GRIK4: variants seen among roughly 807,000 people sequenced by gnomAD.
GRIK4 encodes the protein glutamate receptor ionotropic, kainate 4.
Under a neutral mutation model 104.9 loss-of-function variants are expected in GRIK4, and 40 were observed. That is an observed-to-expected ratio of 0.38 (90% CI 0.30 to 0.50). The LOEUF is 0.50. Ranked by LOEUF, GRIK4 falls within the 20% of genes least tolerant of loss-of-function variation. The pLI is 0.93. For missense variants in GRIK4, 1,047 were observed against 1,308.1 expected (o/e 0.80, Z 3.08); for synonymous variants, 485 against 524.9 (o/e 0.92, Z 1.04).
At chr11:120,775,190 G>A (rs1369732118) in intron 3 of GRIK4, among the ~76,000 whole-genome samples, 1 of 152,014 alleles carries the variant, frequency 6.6e-6, no homozygotes, top group Non-Finnish European at 1.5e-5. Context: ...TATTTCTTCT[G>A]CCTCTGGTCT....
intron 4 of GRIK4, among the ~76,000 whole-genome samples, chr11:120,804,769 C>T (rs1046709728): frequency 6.6e-6 from 1 of 152,216 alleles, no homozygotes; most frequent in African/African-American, 2.4e-5. Flanking sequence ...TCCCCAAGGT[C>T]TGGCTCTGAT....
intron 6 of GRIK4, among the ~76,000 whole-genome samples, chr11:120,829,709 C>A (rs1953371859): frequency 6.6e-6 from 1 of 152,238 alleles, no homozygotes; most frequent in Admixed American, 6.5e-5. Flanking sequence ...ACAGTGAGTT[C>A]TCATCCTCCT....
At chr11:120,768,414 C>G (rs564539913) in intron 3 of GRIK4, among the ~76,000 whole-genome samples, 1 of 152,230 alleles carries the variant, frequency 6.6e-6, no homozygotes, top group South Asian at 2.1e-4. Context: ...TGCAACTTTA[C>G]TGAATTCATT....
chr11:120,970,456 A>T (rs1383626757), intron 19 of GRIK4, among the ~76,000 whole-genome samples: 1 of 151,822 alleles, frequency 6.6e-6, no homozygotes, highest in Non-Finnish European at 1.5e-5. Context: ...ATTCCATTTG[A>T]TCTCTTGAGC....
At chr11:120,773,377 A>G (rs1431874819) in intron 3 of GRIK4, among the ~76,000 whole-genome samples, 1 of 152,266 alleles carries the variant, frequency 6.6e-6, no homozygotes, top group African/African-American at 2.4e-5. Context: ...CTCCTCTTCT[A>G]TAAAATACCA....
intron 1 of GRIK4, among the ~76,000 whole-genome samples, chr11:120,636,180 C>T (rs1474959758): frequency 6.6e-6 from 1 of 152,154 alleles, no homozygotes; most frequent in Non-Finnish European, 1.5e-5. Flanking sequence ...ATTTGGATGT[C>T]TAGCTTTTGA....
At chr11:120,800,088 G>A (rs776410603) in intron 3 of GRIK4, among the ~76,000 whole-genome samples, 4 of 151,520 alleles carry the variant, frequency 2.6e-5, no homozygotes, top group African/African-American at 4.9e-5. Context: ...TCACGACCTC[G>A]GGTGATTCAT....
chr11:120,511,773 C>G lies in GRIK4; in HGVS notation c.-273C>G, dbSNP rs1303708128. On this transcript the variant is annotated 5_prime_UTR_variant, in exon 1 of 21. It adds an upstream start codon to the 5' untranslated region. Transcript: ENST00000527524. ...AGACTGCCTTCAGCTGCGGGCGGAT[C>G]GGGCTGGAGCCGCCACGGCTGCTGC... The G allele has an allele frequency of 2.9e-6, 1 of 343,908 alleles. No homozygotes were observed. Among genetic ancestry groups the G allele is most frequent in the Non-Finnish European group, 5.9e-6 (1 of 169,592 alleles). 21.3% of individuals were successfully genotyped at this position (343,908 alleles called of 1,614,324 possible). A position where few individuals can be genotyped will look rare whatever the true frequency, so the allele number is the denominator to read the frequency against.
At chr11:120,660,713 A>T (rs1185638243) in intron 3 of GRIK4, among the ~76,000 whole-genome samples, 1 of 152,210 alleles carries the variant, frequency 6.6e-6, no homozygotes, top group East Asian at 1.9e-4. Context: ...GAGGATGGCC[A>T]TGGGGACTCC....
intron 11 of GRIK4, chr11:120,894,283 G>A (rs536777054): frequency 1.4e-4 from 21 of 151,830 alleles, no homozygotes; most frequent in South Asian, 2.1e-4. Flanking sequence ...TTTATAGATG[G>A]GGGAAACAGG....
At chr11:120,897,884 G>C (rs962650381) in intron 11 of GRIK4, among the ~76,000 whole-genome samples, 4 of 151,894 alleles carry the variant, frequency 2.6e-5, no homozygotes, top group Non-Finnish European at 4.4e-5. Flanking sequence ...CCTGGGTCTG[G>C]ATAAATAATG....
chr11:120,703,263 C>G (rs1438902988), intron 3 of GRIK4, among the ~76,000 whole-genome samples: 1 of 152,104 alleles, frequency 6.6e-6, no homozygotes, highest in Admixed American at 6.5e-5. Flanking sequence ...TCTAAGTGGT[C>G]ATATTTACAC....
At chr11:120,643,449 CAG>C (rs898888175) in intron 1 of GRIK4, among the ~76,000 whole-genome samples, 8 of 152,222 alleles carry the variant, frequency 5.3e-5, no homozygotes, top group African/African-American at 1.9e-4. Flanking sequence ...CTCTGCACAT[CAG>C]GGTATCTGCC....
chr11:120,980,527 A>G (rs938923257), intron 19 of GRIK4, among the ~76,000 whole-genome samples: 1 of 152,170 alleles, frequency 6.6e-6, no homozygotes, highest in Non-Finnish European at 1.5e-5. Context: ...GGTTAGAGGG[A>G]CAGGTGTTAA....
intron 1 of GRIK4, among the ~76,000 whole-genome samples, chr11:120,543,056 T>C (rs1348368085): frequency 1.3e-5 from 2 of 152,212 alleles, no homozygotes; most frequent in African/African-American, 4.8e-5. Context: ...TCATAGCTGG[T>C]ACAAGTGTAC....
intron 1 of GRIK4, among the ~76,000 whole-genome samples, chr11:120,581,408 G>A (rs1948578695): frequency 1.3e-5 from 2 of 152,086 alleles, no homozygotes; most frequent in South Asian, 4.1e-4. Flanking sequence ...GTTTTTAATT[G>A]TAGTAAAATA....
chr11:120,861,093 CTTTTTTTTTTTTTTTTTTTT>C (rs547199127), intron 8 of GRIK4, among the ~76,000 whole-genome samples: 10 of 86,566 alleles, frequency 1.2e-4, no homozygotes, highest in African/African-American at 1.8e-4. Flanking sequence ...AAATCATCCT[CTTTTTTTTTTTTTTTTTTTT>C]TTTTTTTTTT....
At chr11:120,973,258 CTG>C (rs1944505442) in intron 19 of GRIK4, among the ~76,000 whole-genome samples, 1 of 152,132 alleles carries the variant, frequency 6.6e-6, no homozygotes, top group Non-Finnish European at 1.5e-5. Flanking sequence ...TTTTGGAAGA[CTG>C]TGCTGACAGT....
chr11:120,674,658 C>G (rs1158930209), intron 3 of GRIK4, among the ~76,000 whole-genome samples: 3 of 152,224 alleles, frequency 2.0e-5, no homozygotes, highest in Non-Finnish European at 4.4e-5. Context: ...TGCCAGTTAT[C>G]TAGCAACAGT....
Sources: allele counts gnomAD v4.1 joint callset (sites outside exome capture counted in the v4.1 genomes callset), GRCh38; gene constraint gnomAD v4.1.1; transcripts MANE v1.5; gene names NCBI Gene and HGNC (gene_info 2026-07-23, HGNC 2026-07-21).